CMTM8: variants seen among roughly 807,000 people sequenced by gnomAD.
CMTM8 encodes the protein CKLF like MARVEL transmembrane domain containing 8.
CMTM8 carries 12 observed loss-of-function variants against 18.6 expected under a neutral mutation model. The ratio of observed to expected loss-of-function variants is 0.65; its 90% confidence interval spans 0.41 to 1.05. The LOEUF (loss-of-function observed/expected upper bound fraction) is 1.05. Ranked by LOEUF, CMTM8 falls within the 50% of genes least tolerant of loss-of-function variation. The pLI is 0.00. For synonymous variants in CMTM8, 87 were observed against 90.6 expected (o/e 0.96, Z 0.23); for missense variants, 217 against 227.2 (o/e 0.95, Z 0.29).
At chr3:32,307,839 A>T (rs1000131200) in intron 1 of CMTM8, among the ~76,000 whole-genome samples, 2 of 152,182 alleles carry the variant, frequency 1.3e-5, no homozygotes, top group Admixed American at 1.3e-4. Context: ...GGTGACGTTG[A>T]TGTTGCTGGT....
intron 1 of CMTM8, among the ~76,000 whole-genome samples, chr3:32,341,808 C>T (rs181591110): frequency 5.9e-5 from 9 of 152,116 alleles, no homozygotes; most frequent in African/African-American, 1.9e-4. Context: ...ACCCAGGGGT[C>T]GGAGGTTGCA....
chr3:32,305,975 A>G (rs1364613131), intron 1 of CMTM8, among the ~76,000 whole-genome samples: 1 of 152,104 alleles, frequency 6.6e-6, no homozygotes, highest in Non-Finnish European at 1.5e-5. Flanking sequence ...GGATCCATCT[A>G]TTCTGTTGCT....
intron 1 of CMTM8, among the ~76,000 whole-genome samples, chr3:32,275,169 T>C: frequency 6.6e-6 from 1 of 151,398 alleles, no homozygotes. Flanking sequence ...CACACCTGGC[T>C]AACTTGGGTG....
At chr3:32,291,788 T>C (rs1388315741) in intron 1 of CMTM8, among the ~76,000 whole-genome samples, 1 of 152,232 alleles carries the variant, frequency 6.6e-6, no homozygotes, top group Non-Finnish European at 1.5e-5. Flanking sequence ...CTGTTAAGCC[T>C]ATGATCTAGG....
intron 1 of CMTM8, among the ~76,000 whole-genome samples, chr3:32,270,282 A>C (rs1246506371): frequency 6.6e-6 from 1 of 152,174 alleles, no homozygotes. Context: ...AAGAAATAGA[A>C]CATTACCACC....
Position 32,316,453 on chromosome 3 carries a change from C to T in CMTM8, c.148-40920C>T, listed in dbSNP as rs6550114. On this transcript the variant is annotated intron_variant, in intron 1 of 3. Coordinates refer to ENST00000307526, the MANE Select transcript of CMTM8 (RefSeq NM_178868.5). ...AACTTTCCCAGATCCTTGGTGTTTA[C>T]ACATTGTGTCCTGAGCCTTGACAGA... 3.5e-3 allele frequency among the ~76,000 whole-genome samples: 534 copies of T among 152,314 alleles called. 5 individuals are homozygous for T. Among genetic ancestry groups the T allele is most frequent in the African/African-American group, 0.012 (495 of 41,564 alleles).
chr3:32,267,245 A>C (rs564954929), intron 1 of CMTM8, among the ~76,000 whole-genome samples: 1 of 152,348 alleles, frequency 6.6e-6, no homozygotes, highest in Admixed American at 6.5e-5. Flanking sequence ...ACTGGTACCA[A>C]AACAGAGATA....
chr3:32,362,648 G>A (rs1034133836), intron 2 of CMTM8, among the ~76,000 whole-genome samples: 1 of 152,186 alleles, frequency 6.6e-6, no homozygotes, highest in Non-Finnish European at 1.5e-5. Context: ...AGCAGGAAGT[G>A]CCAGCCCAGA....
rs528907478 is a variant in CMTM8, at chr3:32,241,655, G to A, written c.147+2536G>A. Among the ~76,000 whole-genome samples, 6 of 152,246 alleles carry A rather than the reference G, an allele frequency of 3.9e-5. No individual in the cohort carries two copies. The South Asian group carries it at 8.3e-4, about 21-fold the overall frequency. On this transcript the variant is annotated intron_variant, in intron 1 of 3. Transcript: ENST00000307526. ...GGGTATTAAATGCATTTTTGACTTC[G>A]GATACTTTCCACTTAGGATGGGTTT... is the stretch of plus-strand genomic sequence containing the variant.
Position 32,239,097 on chromosome 3 carries a change from G to A in CMTM8, c.125G>A (p.Gly42Asp), listed in dbSNP as rs1242175723. 1.2e-6 allele frequency: 2 copies of A among 1,600,876 alleles called. No homozygotes were observed. The highest frequency in any genetic ancestry group is 1.3e-5 in the African/African-American group (1 of 74,670). The change falls in exon 1 of 4, where the codon GGC becomes GAC. Residue 42 changes from glycine (G) to aspartate (D), a missense_variant. Transcript: ENST00000307526. ...YDREFLRTLPGFLIVAEIVLG... is the reference protein window; with the variant it reads ...YDREFLRTLPDFLIVAEIVLG... ...CGGGAGTTCCTCCGCACCCTGCCCG[G>A]CTTCCTCATCGTGGCCGAGATCGTG...
intron 1 of CMTM8, among the ~76,000 whole-genome samples, chr3:32,356,754 A>G (rs1306189208): frequency 1.3e-5 from 2 of 152,202 alleles, no homozygotes; most frequent in Non-Finnish European, 2.9e-5. Context: ...TTTCCTTGAC[A>G]AATACCAGCC....
chr3:32,240,295 G>A (rs1043743330), intron 1 of CMTM8, among the ~76,000 whole-genome samples: 2 of 152,238 alleles, frequency 1.3e-5, no homozygotes, highest in African/African-American at 4.8e-5. Flanking sequence ...GGTATGAGAA[G>A]TGTTGGCTTA....
chr3:32,325,963 TG>T (rs1277828321), intron 1 of CMTM8, among the ~76,000 whole-genome samples: 1 of 152,138 alleles, frequency 6.6e-6, no homozygotes, highest in Admixed American at 6.5e-5. Context: ...TCAACCAGGA[TG>T]GGGGCATTTA....
At chr3:32,315,636 A>G (rs997729418) in intron 1 of CMTM8, among the ~76,000 whole-genome samples, 1 of 152,202 alleles carries the variant, frequency 6.6e-6, no homozygotes, top group African/African-American at 2.4e-5. Flanking sequence ...TTAATGTTGT[A>G]CTATGTGACT....
chr3:32,356,486 A>G (rs752098619), intron 1 of CMTM8, among the ~76,000 whole-genome samples: 1 of 152,206 alleles, frequency 6.6e-6, no homozygotes, highest in Non-Finnish European at 1.5e-5. Flanking sequence ...CCTTTAGTCA[A>G]TGAGTAGTGT....
At chr3:32,323,973 A>G (rs1696108817) in intron 1 of CMTM8, among the ~76,000 whole-genome samples, 1 of 152,234 alleles carries the variant, frequency 6.6e-6, no homozygotes, top group Admixed American at 6.5e-5. Flanking sequence ...CAGTTCTGCT[A>G]GTTGCCAACA....
chr3:32,271,229 C>T (rs1476638238), intron 1 of CMTM8, among the ~76,000 whole-genome samples: 3 of 152,100 alleles, frequency 2.0e-5, no homozygotes, highest in Admixed American at 2.0e-4. Flanking sequence ...TGGCTTCAAG[C>T]GATTCTCCTG....
At chr3:32,350,812 C>G (rs1263220294) in intron 1 of CMTM8, among the ~76,000 whole-genome samples, 1 of 152,126 alleles carries the variant, frequency 6.6e-6, no homozygotes, top group African/African-American at 2.4e-5. Context: ...CGTGAGCCAC[C>G]ACGTCAAGCC....
chr3:32,319,073 TA>T (rs1380913106), intron 1 of CMTM8, among the ~76,000 whole-genome samples: 9,242 of 57,428 alleles, frequency 0.16, 891 homozygotes, highest in Non-Finnish European at 0.24. Flanking sequence ...TATATATATA[TA>T]TTTTTTTTTT....
Sources: gnomAD v4.1 joint callset for allele counts (sites outside exome capture counted in the v4.1 genomes callset) on GRCh38, gnomAD v4.1.1 for gene constraint, MANE v1.5 for transcripts, NCBI Gene and HGNC (gene_info 2026-07-23, HGNC 2026-07-21) for gene names.